Variants in CEP135 observed in about 807,000 individuals in gnomAD.
CEP135 encodes centrosomal protein of 135 kDa.
A neutral mutation model predicts 157.3 loss-of-function variants in CEP135; 142 were observed. The ratio of observed to expected loss-of-function variants is 0.90; its 90% CI spans 0.79 to 1.04. The LOEUF is 1.04. Ranked by LOEUF, CEP135 falls within the 50% of genes least tolerant of loss-of-function variation. CEP135 has a pLI of 0.00. For synonymous variants in CEP135, 396 were observed against 439.8 expected (o/e 0.90, Z 1.25); for missense variants, 1,317 against 1,309.2 (o/e 1.01, Z -0.09).
At chr4:56,026,504 T>C (rs1731163597) in intron 25 of CEP135, among the ~76,000 whole-genome samples, 1 of 152,230 alleles carries the variant, frequency 6.6e-6, no homozygotes, top group African/African-American at 2.4e-5. Context: ...TATTGTTGTG[T>C]GTACTTGTAG....
chr4:55,997,026 G>A (rs980925505), intron 15 of CEP135, among the ~76,000 whole-genome samples: 1 of 152,272 alleles, frequency 6.6e-6, no homozygotes, highest in East Asian at 1.9e-4. Flanking sequence ...TCACTCTCTG[G>A]TGAGAAGTTG....
chr4:55,954,138 T>C (rs1010334771), intron 3 of CEP135, 78 bp from the exon 4 acceptor site: 6 of 1,310,282 alleles, frequency 4.6e-6, no homozygotes, highest in Non-Finnish European at 6.2e-6. Flanking sequence ...GATATGACTT[T>C]TTGTATTTTG....
chr4:55,978,971 A>T (rs1729312055), intron 11 of CEP135, among the ~76,000 whole-genome samples: 1 of 152,218 alleles, frequency 6.6e-6, no homozygotes. Context: ...AAGAGTTCGG[A>T]TAACTAATCC....
At chr4:56,008,093 G>GATTTT (rs1375418675) in intron 17 of CEP135, among the ~76,000 whole-genome samples, 1 of 152,098 alleles carries the variant, frequency 6.6e-6, no homozygotes, top group Non-Finnish European at 1.5e-5. Flanking sequence ...TCTAGAATGT[G>GATTTT]ATTTTATCAG....
chr4:55,962,962 T>G (rs1439809789), intron 6 of CEP135, among the ~76,000 whole-genome samples: 1 of 152,142 alleles, frequency 6.6e-6, no homozygotes, highest in Non-Finnish European at 1.5e-5. Context: ...CATTTCCACT[T>G]GGGTGGAGTC....
chr4:55,964,596 A>G (rs1728785353), intron 7 of CEP135, among the ~76,000 whole-genome samples, 194 bp downstream of exon 7: 1 of 152,180 alleles, frequency 6.6e-6, no homozygotes, highest in African/African-American at 2.4e-5. Context: ...ATGTTTTCAA[A>G]GACTAATGAG....
chr4:55,970,940 A>T (rs367887295), intron 9 of CEP135, among the ~76,000 whole-genome samples: 9 of 152,316 alleles, frequency 5.9e-5, no homozygotes, highest in African/African-American at 2.2e-4. Context: ...AGAAGAATTT[A>T]TCTTACTACT....
chr4:55,992,947 G>A (rs894706157), intron 15 of CEP135, among the ~76,000 whole-genome samples: 6 of 152,166 alleles, frequency 3.9e-5, no homozygotes, highest in African/African-American at 1.2e-4. Flanking sequence ...TGAAGAATCT[G>A]AGGAAATACC....
chr4:55,966,637 A>G (rs1728853390), intron 8 of CEP135: 1 of 152,694 alleles, frequency 6.5e-6, no homozygotes, highest in Admixed American at 6.5e-5. Flanking sequence ...GGTGCATGCC[A>G]CAAGGCCCAG....
rs564343377 is a variant in CEP135, at chr4:55,992,448, A to G, written c.2009+363A>G. Among the ~76,000 whole-genome samples, 53 of 152,328 alleles carry G rather than the reference A, an allele frequency of 3.5e-4. No homozygotes were observed. The South Asian group carries it at 0.011, about 30-fold the overall frequency. On this transcript the variant is annotated intron_variant, in intron 15 of 25. Coordinates refer to ENST00000257287, the MANE Select transcript of CEP135 (RefSeq NM_025009.5). ...AAAATTACAGAATTGTTTACTACCT[A>G]TGCCATTTTCTTTCTCTTTCTTGCC...
At chr4:56,008,521 C>T in intron 18 of CEP135, 139 bp downstream of exon 18, 1 of 649,838 alleles carries the variant, frequency 1.5e-6, no homozygotes, top group Non-Finnish European at 2.7e-6. Flanking sequence ...ATCATTTTCT[C>T]AGTCTCCAGC....
rs1374048879 is a variant in CEP135 at position 56,030,283 on chromosome 4, A to C, written c.*12-1077A>C. On this transcript the variant is annotated intron_variant, in intron 25 of 25. Transcript: ENST00000257287. ...CAACATTTATTTTTTAATGAGTAAG[A>C]GTACACTTTAAAATAATGATTAAAA... 2.0e-5 allele frequency among the ~76,000 whole-genome samples: 3 copies of C among 152,208 alleles called. No individual in the cohort carries two copies. In the East Asian group the frequency reaches 5.8e-4, roughly 29 times the overall value.
At chr4:56,006,691 C>T (rs778773444) in intron 17 of CEP135, among the ~76,000 whole-genome samples, 3 of 152,142 alleles carry the variant, frequency 2.0e-5, no homozygotes, top group Non-Finnish European at 4.4e-5. Context: ...CACTGAATTT[C>T]CTTGATACCT....
Position 56,010,330 on chromosome 4 carries a change from C to T in CEP135, c.2505+427C>T, listed in dbSNP as rs139671028. On this transcript the variant is annotated intron_variant, in intron 19 of 25. Transcript: ENST00000257287. ...TGAGCCGAGATCGTGCCACTGCACTCCAGCCTGGGCAACAGAGTGAGACTC... is the reference window on the plus strand; with the variant it reads ...TGAGCCGAGATCGTGCCACTGCACTTCAGCCTGGGCAACAGAGTGAGACTC... 2.3e-3 allele frequency among the ~76,000 whole-genome samples: 340 copies of T among 148,692 alleles called. 1 individual carries two copies. The highest frequency in any genetic ancestry group is 7.8e-3 in the African/African-American group (311 of 40,074).
In CEP135 at chr4:55,974,947, C is replaced by A; in HGVS notation, c.1451C>A (p.Ser484Ter). 4.4e-6 allele frequency: 7 copies of A among 1,603,734 alleles called. No individual in the cohort carries two copies. Among genetic ancestry groups the A allele is most frequent in the South Asian group, 3.4e-5 (3 of 89,290 alleles). Residue 484 changes from serine (S) to a stop codon, truncating the protein, a stop_gained, in exon 11 of 26, where the codon TCA becomes TAA. Coordinates refer to ENST00000257287, the MANE Select transcript of CEP135 (RefSeq NM_025009.5). LOFTEE classifies it high-confidence loss of function. Reference sequence around the variant, plus strand: ...AGTTATAGCGCACGTGAAAAAAGTTCAATATTTAGAACACCAGAAAAGGTA... The same window carrying A: ...AGTTATAGCGCACGTGAAAAAAGTTAAATATTTAGAACACCAGAAAAGGTA... The part of the protein sequence containing the change: ...STSYSAREKS[S>*]IFRTPEKGDY...
chr4:55,963,201 A>G, intron 6 of CEP135, among the ~76,000 whole-genome samples: 1 of 151,986 alleles, frequency 6.6e-6, no homozygotes, highest in East Asian at 1.9e-4. Context: ...GTTTTATTTT[A>G]GTTATTAATT....
intron 9 of CEP135, 61 bp from the exon 10 acceptor site, chr4:55,971,207 CTT>C (rs1336401773): frequency 1.1e-5 from 13 of 1,225,706 alleles, no homozygotes; most frequent in South Asian, 6.4e-5. Context: ...AAAAATCTAT[CTT>C]AAGTGCGATA....
chr4:56,016,024 G>T (rs1169578644), intron 21 of CEP135, among the ~76,000 whole-genome samples: 1 of 152,194 alleles, frequency 6.6e-6, no homozygotes, highest in Non-Finnish European at 1.5e-5. Flanking sequence ...GGTTGTGCTG[G>T]ATTAAGGCAG....
chr4:55,991,862 T>C, intron 14 of CEP135, 72 bp from the exon 15 acceptor site: 1 of 765,958 alleles, frequency 1.3e-6, no homozygotes, highest in Non-Finnish European at 1.9e-6. Context: ...GAAATATTAT[T>C]AAAGAGTGCC....
Sources: allele counts gnomAD v4.1 joint callset (sites outside exome capture counted in the v4.1 genomes callset), GRCh38; gene constraint gnomAD v4.1.1; transcripts MANE v1.5; gene names NCBI Gene and HGNC (gene_info 2026-07-23, HGNC 2026-07-21).